Variants in PCDHA7 observed in about 807,000 individuals in gnomAD.
The protein encoded by PCDHA7 is protocadherin alpha 7, also known as protocadherin alpha-7.
Under a neutral mutation model 57.2 loss-of-function variants are expected in PCDHA7, and 37 were observed. The observed-to-expected ratio is 0.65, with a 90% CI of 0.50 to 0.85. The LOEUF is 0.85. PCDHA7 is among the 40% of genes least tolerant of loss of function. The pLI is 0.00. For synonymous variants in PCDHA7, 553 were observed against 558.8 expected, an observed-to-expected ratio of 0.99 and a Z score of 0.15; for missense variants, 1,188 against 1,241.8, an observed-to-expected ratio of 0.96 and a Z score of 0.65.
chr5:140,843,762 T>G, intron 1 of PCDHA7: 4 of 1,493,648 alleles, frequency 2.7e-6, no homozygotes, highest in Non-Finnish European at 3.7e-6. Context: ...TTGTGGAAAT[T>G]GTAGTTACTT....
At chr5:140,963,443 T>C (rs1554226608) in intron 1 of PCDHA7, among the ~76,000 whole-genome samples, 1 of 152,248 alleles carries the variant, frequency 6.6e-6, no homozygotes, top group African/African-American at 2.4e-5. Flanking sequence ...TCATACTCTG[T>C]TGCTAAAGTA....
intron 1 of PCDHA7, chr5:140,858,229 G>A (rs1335853818): frequency 6.3e-7 from 1 of 1,596,360 alleles, no homozygotes. Context: ...CGCCCACCGA[G>A]GGCGCATGTG....
At chr5:140,871,567 A>AT (rs1441824086) in intron 1 of PCDHA7, 49 of 1,482,936 alleles carry the variant, frequency 3.3e-5, no homozygotes, top group Non-Finnish European at 3.9e-5. Flanking sequence ...TTTTTCACGG[A>AT]TTTTTTAAGG....
intron 1 of PCDHA7, among the ~76,000 whole-genome samples, chr5:140,917,324 CG>C (rs1299895515): frequency 5.3e-5 from 4 of 76,126 alleles, no homozygotes; most frequent in African/African-American, 1.7e-4. Context: ...GTTCATGTGG[CG>C]GGGGAGGGGG....
At chr5:140,884,138 G>C (rs782798249) in intron 1 of PCDHA7, 2 of 1,613,410 alleles carry the variant, frequency 1.2e-6, no homozygotes, top group Non-Finnish European at 1.7e-6. Context: ...CCCGTTCCGC[G>C]TGGGGCTGTA....
At chr5:140,882,129 T>C (rs2153382855) in intron 1 of PCDHA7, 5 of 1,473,110 alleles carry the variant, frequency 3.4e-6, no homozygotes, top group Non-Finnish European at 2.7e-6. Context: ...TCTTTCTTCC[T>C]GCAGAAAATA....
At chr5:140,969,593 T>C (rs2153780223) in intron 1 of PCDHA7, 1 of 829,524 alleles carries the variant, frequency 1.2e-6, no homozygotes, top group Non-Finnish European at 1.8e-6. Context: ...AGTCTTAATA[T>C]TTAATGCTAA....
In PCDHA7 at chr5:140,995,570, A is replaced by T. The variant is rs186345842; in HGVS notation, c.2503+13007A>T. ...TCACTGTACTGAATAATATGTCAAG[A>T]TGAGCTATGAGCTTTTAACTTAGTG... is the stretch of plus-strand genomic sequence containing the variant. On this transcript the variant is annotated intron_variant, in intron 3 of 3. Transcript: ENST00000525929. Among the ~76,000 whole-genome samples, 3 of 152,328 alleles carry T rather than the reference A, an allele frequency of 2.0e-5. No homozygotes were observed. In the East Asian group the frequency reaches 5.8e-4, roughly 29 times the overall value.
In PCDHA7 at chr5:140,998,188, AG is replaced by A. The variant is rs375338994; in HGVS notation, c.2504-11438del. On this transcript the variant is annotated intron_variant, in intron 3 of 3. Transcript: ENST00000525929. ...CAAGTATTATTCTAAGCACTTTACAAGTATTAACTCCTTTAATCTGTATAAC... is the reference window on the plus strand; with the variant it reads ...CAAGTATTATTCTAAGCACTTTACAATATTAACTCCTTTAATCTGTATAAC... Among the ~76,000 whole-genome samples, 972 of 152,318 alleles carry A rather than the reference AG, an allele frequency of 6.4e-3. 14 individuals are homozygous for A. Among genetic ancestry groups the A allele is most frequent in the African/African-American group, 0.023 (946 of 41,556 alleles).
Position 140,862,212 on chromosome 5 carries a change from G to T in PCDHA7, c.2355+25474G>T, listed in dbSNP as rs2047258044. ...TTCCCCAATGTTTGATCACTGCACA[G>T]ACTTGATAGAAGTCTTGGACATCAA... On this transcript the variant is annotated intron_variant, in intron 1 of 3. Transcript: ENST00000525929. The T allele has an allele frequency of 2.0e-5, 4 of 203,790 alleles. No homozygotes were observed. In the South Asian group the frequency reaches 4.0e-4, roughly 20 times the overall value. The allele number at this position is 203,790 out of a possible 1,614,324, so 12.6% of individuals were successfully genotyped here.
At chr5:140,842,131 T>A (rs2150330149) in intron 1 of PCDHA7, 1 of 1,613,890 alleles carries the variant, frequency 6.2e-7, no homozygotes, top group South Asian at 1.1e-5. Flanking sequence ...CTGATCCGGA[T>A]GAAGGAGCCA....
Position 140,834,534 on chromosome 5 carries a change from G to T in PCDHA7, c.151G>T (p.Asp51Tyr), listed in dbSNP as rs1554134303. ...HGNFVGRIAQ[D>Y]LGLELAELVP... ...CAACTTCGTGGGCCGCATCGCGCAG[G>T]ACCTGGGGCTGGAGCTGGCGGAGCT... Residue 51 changes from aspartate (D) to tyrosine (Y), a missense_variant, in exon 1 of 4, where the codon GAC becomes TAC. This residue lies in a region of PCDHA7 where 194 missense variants were observed against 185.8 expected (regional missense o/e 1.04). Transcript: ENST00000525929. The T allele has an allele frequency of 5.6e-6, 9 of 1,614,094 alleles. No homozygotes were observed. Among genetic ancestry groups the T allele is most frequent in the South Asian group, 1.1e-5 (1 of 91,080 alleles).
intron 1 of PCDHA7, among the ~76,000 whole-genome samples, chr5:140,948,191 C>A (rs2094221032): frequency 6.6e-6 from 1 of 151,562 alleles, no homozygotes; most frequent in African/African-American, 2.4e-5. Context: ...CCCACTTAGT[C>A]ATGATATATT....
At chr5:140,927,158 C>G in intron 1 of PCDHA7, 1 of 1,614,166 alleles carries the variant, frequency 6.2e-7, no homozygotes, top group Non-Finnish European at 8.5e-7. Context: ...CTGTGCAGGG[C>G]CAAAGCTGCC....
chr5:140,972,386 A>G (rs2096534472), intron 1 of PCDHA7, among the ~76,000 whole-genome samples: 1 of 148,802 alleles, frequency 6.7e-6, no homozygotes, highest in African/African-American at 2.5e-5. Flanking sequence ...GTATTTGTTT[A>G]TTTGCTTCAC....
Position 140,982,485 on chromosome 5 carries a change from C to T in PCDHA7, c.2425C>T (p.Leu809=). 1 of 1,614,100 alleles carries T rather than the reference C, an allele frequency of 6.2e-7. No homozygotes were observed. The highest frequency in any genetic ancestry group is 8.5e-7 in the Non-Finnish European group (1 of 1,180,004). The part of the protein sequence containing the change: ...LRAGMHSSVH[L]EEAGILRAGP... ...TGTGTGTTTATTCAGCTCTGTGCAC[C>T]TAGAGGAGGCTGGCATTCTACGGGC... The change falls in exon 3 of 4, where the codon CTA becomes TTA. Residue 809 remains leucine (L), a synonymous_variant. Coordinates refer to ENST00000525929, the MANE Select transcript of PCDHA7 (RefSeq NM_018910.3).
At chr5:140,956,009 CTT>C (rs2095247878) in intron 1 of PCDHA7, among the ~76,000 whole-genome samples, 1 of 152,192 alleles carries the variant, frequency 6.6e-6, no homozygotes, top group Non-Finnish European at 1.5e-5. Flanking sequence ...TATCCTGAGA[CTT>C]TGCTGAAGTT....
chr5:140,848,750 T>C, intron 1 of PCDHA7: 1 of 1,593,288 alleles, frequency 6.3e-7, no homozygotes. Context: ...GCATTTTGTT[T>C]GTGAATTCTC....
chr5:140,878,027 G>C, intron 1 of PCDHA7: 1 of 699,256 alleles, frequency 1.4e-6, no homozygotes, highest in Non-Finnish European at 2.1e-6. Flanking sequence ...GAAATATGTA[G>C]GTACAATGGA....
Sources: gnomAD v4.1 joint callset for allele counts (sites outside exome capture counted in the v4.1 genomes callset) on GRCh38, gnomAD v4.1.1 for gene constraint, gnomAD v4.1.1 regional missense constraint, MANE v1.5 for transcripts, NCBI Gene and HGNC (gene_info 2026-07-23, HGNC 2026-07-21) for gene names.